Variants in DENND5A observed in about 807,000 individuals in gnomAD.
The protein encoded by DENND5A is DENN domain-containing protein 5A.
Under a neutral mutation model 140.3 loss-of-function variants are expected in DENND5A, and 64 were observed. The ratio of observed to expected loss-of-function variants is 0.46; its 90% CI spans 0.37 to 0.56. The LOEUF is 0.56. Ranked by LOEUF, DENND5A falls within the 20% of genes least tolerant of loss-of-function variation. The pLI is 0.00. For missense variants in DENND5A, 1,292 were observed against 1,593.8 expected, an observed-to-expected ratio of 0.81 and a Z score of 3.22; for synonymous variants, 605 against 607.7, an observed-to-expected ratio of 1.00 and a Z score of 0.07.
At chr11:9,223,752 A>T (rs1027968344) in intron 1 of DENND5A, among the ~76,000 whole-genome samples, 6 of 152,156 alleles carry the variant, frequency 3.9e-5, no homozygotes, top group Admixed American at 1.3e-4. Context: ...GTACCTGGGA[A>T]TGTTAATATC....
At chr11:9,256,119 A>C (rs1411649621) in intron 1 of DENND5A, among the ~76,000 whole-genome samples, 1 of 152,152 alleles carries the variant, frequency 6.6e-6, no homozygotes, top group East Asian at 1.9e-4. Context: ...ATAGGCCTAC[A>C]CACAAAAAAA....
chr11:9,240,424 T>C (rs377105741), intron 1 of DENND5A, among the ~76,000 whole-genome samples: 1 of 151,670 alleles, frequency 6.6e-6, no homozygotes, highest in Non-Finnish European at 1.5e-5. Context: ...CAAAAACTGA[T>C]CCTGACTGGG....
chr11:9,214,364 T>A (rs982312960), intron 1 of DENND5A, among the ~76,000 whole-genome samples: 5 of 152,142 alleles, frequency 3.3e-5, no homozygotes, highest in Non-Finnish European at 7.4e-5. Context: ...AGGGAAGAGA[T>A]TACACATTTC....
At chr11:9,230,441 G>A (rs574305805) in intron 1 of DENND5A, among the ~76,000 whole-genome samples, 4 of 151,254 alleles carry the variant, frequency 2.6e-5, no homozygotes, top group Admixed American at 2.0e-4. Context: ...GGTTCTCACC[G>A]TTTTTCCCAG....
intron 1 of DENND5A, among the ~76,000 whole-genome samples, chr11:9,254,251 A>G (rs1851852584): frequency 6.6e-6 from 1 of 151,748 alleles, no homozygotes; most frequent in African/African-American, 2.4e-5. Flanking sequence ...CCTTGAGCTC[A>G]GAAATTCGAG....
At chr11:9,153,361 A>G (rs1847696421) in intron 12 of DENND5A, among the ~76,000 whole-genome samples, 1 of 151,328 alleles carries the variant, frequency 6.6e-6, no homozygotes, top group Non-Finnish European at 1.5e-5. Flanking sequence ...AAAAAAAAAA[A>G]AAAAAAAAAG....
At chr11:9,205,935 G>A (rs1420536745) in intron 3 of DENND5A, among the ~76,000 whole-genome samples, 8 of 152,118 alleles carry the variant, frequency 5.3e-5, no homozygotes. Context: ...CAAAGATAAG[G>A]TTAAGAGCAG....
Position 9,169,842 on chromosome 11 carries a change from T to G in DENND5A, c.2151+14A>C. 2 of 1,496,260 alleles carry G rather than the reference T, an allele frequency of 1.3e-6. No homozygotes were observed. Among genetic ancestry groups the G allele is most frequent in the Non-Finnish European group, 1.9e-6 (2 of 1,072,860 alleles). 92.7% of individuals were successfully genotyped at this position (1,496,260 alleles called of 1,614,324 possible). A position where few individuals can be genotyped will look rare whatever the true frequency, so the allele number is the denominator to read the frequency against. ...GATAGCAAGGTCATCCTTATCATTC[T>G]TAAGGTATCTTACCTCCCTCTGGTC... is the stretch of plus-strand genomic sequence containing the variant. On this transcript the variant is annotated intron_variant, in intron 10 of 22. Coordinates refer to ENST00000328194, the MANE Select transcript of DENND5A (RefSeq NM_015213.4).
chr11:9,203,193 A>C (rs1849580259), intron 4 of DENND5A, among the ~76,000 whole-genome samples: 1 of 152,156 alleles, frequency 6.6e-6, no homozygotes, highest in African/African-American at 2.4e-5. Context: ...CTTACACTCA[A>C]CCTCCCATTT....
In DENND5A at chr11:9,228,110, C is replaced by CAAAAA. The variant is rs548141276; in HGVS notation, c.110-20483_110-20479dup. ...CCTGGGCGATAGCAAGACTCCATCTCAAAAAAAAAAAAAAAAAAAAAACTT... is the reference window on the plus strand; with the variant it reads ...CCTGGGCGATAGCAAGACTCCATCTCAAAAAAAAAAAAAAAAAAAAAAAAAAACTT... On this transcript the variant is annotated intron_variant, in intron 1 of 22. Coordinates refer to ENST00000328194, the MANE Select transcript of DENND5A (RefSeq NM_015213.4). Among the ~76,000 whole-genome samples the CAAAAA allele has an allele frequency of 6.5e-4, 47 of 72,548 alleles. 2 individuals carry two copies. Among genetic ancestry groups the CAAAAA allele is most frequent in the African/African-American group, 1.4e-3 (24 of 17,594 alleles). The allele number at this position is 72,548 out of a possible 152,430, so 47.6% of individuals were successfully genotyped here. A position where few individuals can be genotyped will look rare whatever the true frequency, so the allele number is the denominator to read the frequency against.
At chr11:9,163,177 G>T (rs1407433199) in intron 11 of DENND5A, among the ~76,000 whole-genome samples, 1 of 152,128 alleles carries the variant, frequency 6.6e-6, no homozygotes, top group African/African-American at 2.4e-5. Flanking sequence ...CCAGTTTGGG[G>T]CTATTAAAAG....
rs57836051 is a variant in DENND5A, at chr11:9,226,934, C to G, written c.110-19302G>C. ...CTGTAATCCCAGCACTTTGGGAGGC[C>G]AAGGCGGGCAGATCACCTGAGGTCA... On this transcript the variant is annotated intron_variant, in intron 1 of 22. Transcript: ENST00000328194. Among the ~76,000 whole-genome samples the G allele has an allele frequency of 3.8e-3, 575 of 152,122 alleles. 6 individuals carry two copies. Among genetic ancestry groups the G allele is most frequent in the African/African-American group, 0.013 (555 of 41,502 alleles).
In DENND5A at chr11:9,145,768, A is replaced by G; in HGVS notation, c.2905T>C (p.Ser969Pro). 6.2e-7 allele frequency: 1 copy of G among 1,614,184 alleles called. No individual in the cohort carries two copies. The highest frequency in any genetic ancestry group is 1.1e-5 in the South Asian group (1 of 91,082). ...LIVPSKKLGG[S>P]MFTANPWICI... ...ATCCATGGGTTGGCAGTGAACATGG[A>G]GCCCCCCAGCTTCTTGCTTGGTACG... The change falls in exon 17 of 23, where the codon TCC (serine) becomes CCC (proline). Residue 969 changes from serine to proline, a missense_variant. Around this residue, in one of 4 missense-constraint regions of DENND5A, gnomAD observed 498 missense variants for 689.7 expected, o/e 0.72. Transcript: ENST00000328194.
intron 5 of DENND5A, among the ~76,000 whole-genome samples, chr11:9,192,265 C>T (rs192871894): frequency 1.1e-3 from 170 of 152,234 alleles, no homozygotes; most frequent in African/African-American, 4.0e-3. Context: ...ACAGTGCTGC[C>T]CAGATCCAGT....
At chr11:9,201,131 T>C (rs1426541640) in intron 4 of DENND5A, among the ~76,000 whole-genome samples, 1 of 151,792 alleles carries the variant, frequency 6.6e-6, no homozygotes, top group Non-Finnish European at 1.5e-5. Context: ...TAATGCCAAT[T>C]AATAAATAAA....
At chr11:9,231,579 G>A (rs1442220234) in intron 1 of DENND5A, among the ~76,000 whole-genome samples, 2 of 152,020 alleles carry the variant, frequency 1.3e-5, no homozygotes, top group African/African-American at 4.8e-5. Context: ...GCAGGGAGTG[G>A]TGGCGCATGC....
Position 9,143,493 on chromosome 11 carries a change from A to C in DENND5A, c.3305-8T>G, listed in dbSNP as rs779873056. 1.2e-6 allele frequency: 2 copies of C among 1,612,616 alleles called. No homozygotes were observed. Among genetic ancestry groups the C allele is most frequent in the Admixed American group, 3.3e-5 (2 of 60,032 alleles). Reference sequence around the variant, plus strand: ...TCTGCCCAGTGTTCAGCTCTAATAAAAATCAAGCAGACATCCCTAACCAAT... The same window carrying C: ...TCTGCCCAGTGTTCAGCTCTAATAACAATCAAGCAGACATCCCTAACCAAT... On this transcript the variant is annotated splice_region_variant and splice_polypyrimidine_tract_variant and intron_variant, in intron 19 of 22. Transcript: ENST00000328194.
rs1450967553 is a variant in DENND5A, at chr11:9,150,753, CAAG to C, written c.2530_2532del (p.Leu844del). On this transcript the variant is annotated inframe_deletion, in exon 14 of 23. Transcript: ENST00000328194. ...GCATCAGACTTCCTACGTTCTGAATCAAGAAGTATTCCTAGAATAAACAAGTTG... is the reference window on the plus strand; with the variant it reads ...GCATCAGACTTCCTACGTTCTGAATCAAGTATTCCTAGAATAAACAAGTTG... The C allele has an allele frequency of 4.3e-6, 7 of 1,612,246 alleles. No individual in the cohort carries two copies. Among genetic ancestry groups the C allele is most frequent in the Non-Finnish European group, 5.9e-6 (7 of 1,178,638 alleles).
chr11:9,167,623 CA>C (rs1848235838), intron 10 of DENND5A, among the ~76,000 whole-genome samples: 1 of 151,658 alleles, frequency 6.6e-6, no homozygotes, highest in African/African-American at 2.4e-5. Context: ...ACCAAAAATA[CA>C]AAAAAGACCA....
Sources: allele counts gnomAD v4.1 joint callset (sites outside exome capture counted in the v4.1 genomes callset), GRCh38; gene constraint gnomAD v4.1.1; regional missense constraint gnomAD v4.1.1; transcripts MANE v1.5; gene names NCBI Gene and HGNC (gene_info 2026-07-23, HGNC 2026-07-21).